DOCK9: variants seen among roughly 807,000 people sequenced by gnomAD.
The protein encoded by DOCK9 is dedicator of cytokinesis protein 9.
A neutral mutation model predicts 263.3 loss-of-function variants in DOCK9; 89 were observed. The observed-to-expected ratio is 0.34, with a 90% confidence interval of 0.28 to 0.40. The LOEUF (loss-of-function observed/expected upper bound fraction) is 0.40, where lower values mean the gene tolerates loss of function less well. DOCK9 is among the 10% of genes least tolerant of loss of function. DOCK9 has a pLI of 1.00. For synonymous variants in DOCK9, 976 were observed against 973.1 expected (o/e 1.00, Z -0.06); for missense variants, 2,140 against 2,603.4 (o/e 0.82, Z 3.87).
intron 1 of DOCK9, among the ~76,000 whole-genome samples, chr13:99,007,542 T>C (rs528182644): frequency 7.1e-4 from 108 of 152,340 alleles, no homozygotes; most frequent in African/African-American, 2.3e-3. Flanking sequence ...GTATTTCTGC[T>C]GCTGCTCTTT....
intron 1 of DOCK9, among the ~76,000 whole-genome samples, chr13:99,044,934 A>C (rs894855233): frequency 6.6e-6 from 1 of 152,164 alleles, no homozygotes; most frequent in Admixed American, 6.5e-5. Context: ...CTCCCACCAC[A>C]ATTCCAGCCC....
chr13:99,014,673 A>G (rs1392712799), intron 1 of DOCK9, among the ~76,000 whole-genome samples: 2 of 152,186 alleles, frequency 1.3e-5, no homozygotes, highest in Non-Finnish European at 2.9e-5. Flanking sequence ...TCTGAGATAT[A>G]TTTGTCCCCA....
At chr13:98,882,710 T>C (rs1354710684) in intron 23 of DOCK9, among the ~76,000 whole-genome samples, 3 of 152,196 alleles carry the variant, frequency 2.0e-5, no homozygotes, top group African/African-American at 4.8e-5. Flanking sequence ...AGAAGTTCCC[T>C]AAGGGTGAGG....
intron 2 of DOCK9, among the ~76,000 whole-genome samples, chr13:98,953,280 T>C (rs897144094): frequency 2.6e-5 from 4 of 152,222 alleles, no homozygotes; most frequent in African/African-American, 9.6e-5. Flanking sequence ...CAGAAAATAA[T>C]ATTTGCTCAT....
chr13:98,975,144 C>T lies in DOCK9; in HGVS notation c.126+2640G>A, dbSNP rs1465525640. On this transcript the variant is annotated intron_variant, in intron 1 of 52. Coordinates refer to ENST00000682017, the MANE Select transcript of DOCK9 (RefSeq NM_001366683.2). ...CGCCTGTAATCACACTTTGGGAAGC[C>T]GAGGCGGGCGGATCTCCTGAGGTCA... 5.9e-5 allele frequency among the ~76,000 whole-genome samples: 9 copies of T among 152,234 alleles called. No individual in the cohort carries two copies. The East Asian group carries it at 1.7e-3, about 29-fold the overall frequency.
intron 45 of DOCK9, among the ~76,000 whole-genome samples, chr13:98,822,533 G>A (rs1375526148): frequency 6.6e-6 from 1 of 152,208 alleles, no homozygotes; most frequent in Non-Finnish European, 1.5e-5. Flanking sequence ...GGTGGTTTCT[G>A]CAAGGAGACA....
chr13:98,816,225 T>A (rs772311), intron 45 of DOCK9, among the ~76,000 whole-genome samples: 4 of 151,990 alleles, frequency 2.6e-5, no homozygotes, highest in Middle Eastern at 6.8e-3. Context: ...TCTATTAGGC[T>A]ATGTGTCATG....
Position 98,898,228 on chromosome 13 carries a change from C to T in DOCK9, c.1537G>A (p.Ala513Thr), listed in dbSNP as rs1266959298. The T allele has an allele frequency of 6.2e-7, 1 of 1,612,112 alleles. No individual in the cohort carries two copies. Among genetic ancestry groups the T allele is most frequent in the South Asian group, 1.1e-5 (1 of 90,528 alleles). Residue 513 changes from alanine to threonine, a missense_variant, in exon 14 of 53, where the codon GCA becomes ACA. Around this residue, in one of 2 missense-constraint regions of DOCK9, gnomAD observed 1,521 missense variants for 1,741.7 expected, o/e 0.87. Transcript: ENST00000682017. ...CTATACTGTCCTAGTCTTTGGCATG[C>T]CTGCTTGGCATTCTTCAGCACCTTC... ...AQKVLKNAKQACQRLGQYRMP... is the reference protein window; with the variant it reads ...AQKVLKNAKQTCQRLGQYRMP...
rs2048456536 is a variant in DOCK9 at position 98,902,552 on chromosome 13, C to A, written c.1177-61G>T. ...CTCAAACAGGGACAAAAGAATGTTGCTATCAAAAGAGAAATGACAAGACCT... is the reference window on the plus strand; with the variant it reads ...CTCAAACAGGGACAAAAGAATGTTGATATCAAAAGAGAAATGACAAGACCT... On this transcript the variant is annotated intron_variant, in intron 11 of 52. Coordinates refer to ENST00000682017, the MANE Select transcript of DOCK9 (RefSeq NM_001366683.2). The A allele has an allele frequency of 4.0e-6, 6 of 1,511,156 alleles. No homozygotes were observed. In the East Asian group the frequency reaches 1.4e-4, roughly 35 times the overall value. 93.6% of individuals were successfully genotyped at this position (1,511,156 alleles called of 1,614,324 possible). A position where few individuals can be genotyped will look rare whatever the true frequency, so the allele number is the denominator to read the frequency against.
chr13:99,016,951 C>T lies in DOCK9; in HGVS notation c.130-61400G>A, dbSNP rs75731441. 3.2e-4 allele frequency among the ~76,000 whole-genome samples: 48 copies of T among 152,282 alleles called. 1 individual carries two copies. The East Asian group carries it at 8.9e-3, about 28-fold the overall frequency. ...AGTAAAATCATACCTGTAGGGAATA[C>T]CATCCGGGCACGTGATCCCATAATG... On this transcript the variant is annotated intron_variant, in intron 1 of 32. Coordinates refer to the DOCK9 transcript ENST00000427887.
At chr13:98,919,320 G>C (rs980606592) in intron 7 of DOCK9, among the ~76,000 whole-genome samples, 1 of 152,048 alleles carries the variant, frequency 6.6e-6, no homozygotes, top group Non-Finnish European at 1.5e-5. Context: ...ATGTTGGTCA[G>C]GCTGGTCTTG....
chr13:99,028,100 T>G (rs1886966022), intron 1 of DOCK9, among the ~76,000 whole-genome samples: 1 of 152,180 alleles, frequency 6.6e-6, no homozygotes, highest in African/African-American at 2.4e-5. Context: ...CTAAAAATTT[T>G]TGGTTTTCAT....
At chr13:98,866,366 C>T (rs2094024308) in intron 30 of DOCK9, among the ~76,000 whole-genome samples, 1 of 152,136 alleles carries the variant, frequency 6.6e-6, no homozygotes, top group East Asian at 1.9e-4. Flanking sequence ...GCCACAGTCC[C>T]CCTGCCTGAT....
chr13:98,977,742 C>G (rs768583338), intron 1 of DOCK9, 42 bp downstream of exon 1: 1 of 1,596,360 alleles, frequency 6.3e-7, no homozygotes, highest in Non-Finnish European at 8.6e-7. Flanking sequence ...AAGAACCCAG[C>G]ATTGGGTAGA....
At chr13:99,057,906 A>T (rs2041000618) in intron 1 of DOCK9, among the ~76,000 whole-genome samples, 1 of 152,168 alleles carries the variant, frequency 6.6e-6, no homozygotes, top group African/African-American at 2.4e-5. Flanking sequence ...AATACACTGT[A>T]ATTCTGTTAT....
intron 1 of DOCK9, among the ~76,000 whole-genome samples, chr13:99,043,855 T>G: frequency 6.6e-6 from 1 of 152,130 alleles, no homozygotes. Context: ...CCCCGCCCAC[T>G]GCCCTACATA....
At chr13:98,849,564 GATTGTAA>G (rs750507288) in intron 36 of DOCK9, among the ~76,000 whole-genome samples, 7 of 152,044 alleles carry the variant, frequency 4.6e-5, no homozygotes, top group Non-Finnish European at 7.4e-5. Flanking sequence ...TTGGATAAGG[GATTGTAA>G]ATTCACGTTT....
intron 18 of DOCK9, among the ~76,000 whole-genome samples, chr13:98,887,897 T>C (rs1293934029): frequency 6.6e-6 from 1 of 152,132 alleles, no homozygotes; most frequent in Non-Finnish European, 1.5e-5. Flanking sequence ...AGGTGAACAG[T>C]AAGTGTTTGC....
At chr13:99,065,746 T>A (rs1251903379) in intron 1 of DOCK9, among the ~76,000 whole-genome samples, 1 of 152,216 alleles carries the variant, frequency 6.6e-6, no homozygotes, top group African/African-American at 2.4e-5. Flanking sequence ...AATGATACAA[T>A]CTTCTATTAG....
Sources: allele counts gnomAD v4.1 joint callset (sites outside exome capture counted in the v4.1 genomes callset), GRCh38; gene constraint gnomAD v4.1.1; regional missense constraint gnomAD v4.1.1; transcripts MANE v1.5; gene names NCBI Gene and HGNC (gene_info 2026-07-23, HGNC 2026-07-21).